The following CUX2 variants were observed in gnomAD, a reference collection of about 807,000 sequenced individuals.
The protein encoded by CUX2 is homeobox protein cut-like 2.
In CUX2, 40 loss-of-function variants were observed where a neutral mutation model predicts 144.8. The ratio of observed to expected loss-of-function variants is 0.28; its 90% CI spans 0.21 to 0.36. CUX2 has a LOEUF of 0.36. CUX2 is among the 10% of genes least tolerant of loss of function. The probability of loss-of-function intolerance (pLI) is 1.00; values close to 1 mark genes in which losing one functional copy is unlikely to be tolerated. For missense variants in CUX2, 1,615 were observed against 1,994.0 expected (o/e 0.81, Z 3.62); for synonymous variants, 827 against 875.6 (o/e 0.94, Z 0.98).
At position 111,263,729 on chromosome 12, in the gene CUX2, A is replaced by C. The variant is rs1884246808; in HGVS notation, c.223-32A>C. 1 of 1,547,848 alleles carries C rather than the reference A, an allele frequency of 6.5e-7. No individual in the cohort carries two copies. Among genetic ancestry groups the C allele is most frequent in the African/African-American group, 1.4e-5 (1 of 73,502 alleles). Reference sequence around the variant, plus strand: ...GCTTGCAGACACAGATGCCATGGTTACACGTGACTCTTTCTCTTGTTGTCT... The same window carrying C: ...GCTTGCAGACACAGATGCCATGGTTCCACGTGACTCTTTCTCTTGTTGTCT... On this transcript the variant is annotated intron_variant, in intron 3 of 21. Transcript: ENST00000261726. This position sits in a 1 kb window ranked among gnomAD's most constrained non-coding sequence, Gnocchi z 4.0.
chr12:111,333,679 C>T (rs1244267640), intron 18 of CUX2, among the ~76,000 whole-genome samples: 1 of 152,030 alleles, frequency 6.6e-6, no homozygotes, highest in Non-Finnish European at 1.5e-5. Flanking sequence ...GCTGACTTGC[C>T]CTGTGATTGG....
intron 1 of CUX2, among the ~76,000 whole-genome samples, chr12:111,213,024 G>A (rs1565852010): frequency 6.6e-6 from 1 of 152,196 alleles, no homozygotes; most frequent in Non-Finnish European, 1.5e-5. Flanking sequence ...ACGGTGCCGG[G>A]CCTCATCATA....
At chr12:111,051,462 T>C (rs947794347) in intron 1 of CUX2, among the ~76,000 whole-genome samples, 1 of 152,140 alleles carries the variant, frequency 6.6e-6, no homozygotes, top group African/African-American at 2.4e-5. Context: ...ATTGGCCCTT[T>C]TATTTAGCAA....
chr12:111,082,199 T>A (rs1182506870), intron 1 of CUX2, among the ~76,000 whole-genome samples: 2 of 152,194 alleles, frequency 1.3e-5, no homozygotes, highest in African/African-American at 2.4e-5. Flanking sequence ...TTTTGAGGCA[T>A]CTCTGTGTTG....
intron 3 of CUX2, among the ~76,000 whole-genome samples, chr12:111,227,226 T>A (rs1882198543): frequency 6.6e-6 from 1 of 152,188 alleles, no homozygotes; most frequent in South Asian, 2.1e-4. Flanking sequence ...GAGTACCGAC[T>A]GGGTGTCAGG....
intron 3 of CUX2, among the ~76,000 whole-genome samples, chr12:111,247,336 C>G (rs536554912): frequency 6.6e-6 from 1 of 152,214 alleles, no homozygotes; most frequent in Non-Finnish European, 1.5e-5. Flanking sequence ...CCAGAAAGGA[C>G]GCTGCTATAT....
intron 16 of CUX2, among the ~76,000 whole-genome samples, chr12:111,314,626 G>A (rs1183146112): frequency 9.8e-6 from 1 of 102,192 alleles, no homozygotes; most frequent in East Asian, 2.8e-4. Context: ...CGCAACAAGA[G>A]CAAAACTCAG....
Position 111,320,829 on chromosome 12 carries a change from A to T in CUX2, c.2766+54A>T. ...GGGCTCTGGGAGAAGATGTCGGAGA[A>T]GTAGGATGCCCACCCAAGCAGGCTG... On this transcript the variant is annotated intron_variant, in intron 17 of 21. Coordinates refer to ENST00000261726, the MANE Select transcript of CUX2 (RefSeq NM_015267.4). This position sits in a 1 kb window ranked among gnomAD's most constrained non-coding sequence, Gnocchi z 8.1. 3.1e-5 allele frequency: 44 copies of T among 1,418,044 alleles called. No individual in the cohort carries two copies. Among genetic ancestry groups the T allele is most frequent in the Non-Finnish European group, 4.0e-5 (44 of 1,089,142 alleles). The allele number at this position is 1,418,044 out of a possible 1,614,324, so 87.8% of individuals were successfully genotyped here. A position where few individuals can be genotyped will look rare whatever the true frequency, so the allele number is the denominator to read the frequency against.
chr12:111,199,925 C>A (rs1319517796), intron 1 of CUX2, among the ~76,000 whole-genome samples: 1 of 152,108 alleles, frequency 6.6e-6, no homozygotes, highest in African/African-American at 2.4e-5. Context: ...AAAAAGCCCG[C>A]AGGAAGGCTC....
rs1160034077 is a variant in CUX2, at chr12:111,308,542, A to G, written c.1258+16A>G. The G allele has an allele frequency of 6.3e-7, 1 of 1,594,992 alleles. No individual in the cohort carries two copies. The highest frequency in any genetic ancestry group is 2.3e-5 in the East Asian group (1 of 43,840). On this transcript the variant is annotated intron_variant, in intron 14 of 21. Transcript: ENST00000261726. ...GCCAGCCCTGGTAGGGGAGGAGGAT[A>G]CTCTGGGGCTGAGGGCTGGGGCGGG...
At chr12:111,319,133 G>A (rs1243974839) in intron 16 of CUX2, among the ~76,000 whole-genome samples, 5 of 151,052 alleles carry the variant, frequency 3.3e-5, no homozygotes, top group African/African-American at 1.2e-4. Context: ...GGGCAATATG[G>A]CAAAACCCCG....
chr12:111,138,385 TA>T (rs1876066793), intron 1 of CUX2, among the ~76,000 whole-genome samples: 2 of 146,050 alleles, frequency 1.4e-5, no homozygotes, highest in South Asian at 4.4e-4. Context: ...AGAGGAGGGG[TA>T]GGGGTGGAGG....
At chr12:111,126,136 T>G (rs1875062577) in intron 1 of CUX2, among the ~76,000 whole-genome samples, 1 of 147,858 alleles carries the variant, frequency 6.8e-6, no homozygotes, top group African/African-American at 2.5e-5. Flanking sequence ...TAAGATGGAG[T>G]CTCACTCTGT....
At chr12:111,132,525 T>C (rs561303620) in intron 1 of CUX2, among the ~76,000 whole-genome samples, 24 of 151,500 alleles carry the variant, frequency 1.6e-4, no homozygotes, top group African/African-American at 4.8e-4. Flanking sequence ...ATCATCAGGC[T>C]GCAAATTTTC....
intron 1 of CUX2, among the ~76,000 whole-genome samples, chr12:111,055,118 T>C (rs1020045155): frequency 2.0e-5 from 3 of 152,248 alleles, no homozygotes; most frequent in Non-Finnish European, 2.9e-5. Context: ...ACAGGGCTAC[T>C]ACATGTCCAG....
chr12:111,174,307 T>C (rs981111185), intron 1 of CUX2, among the ~76,000 whole-genome samples: 1 of 152,196 alleles, frequency 6.6e-6, no homozygotes, highest in Non-Finnish European at 1.5e-5. Flanking sequence ...ACAGCAGGCA[T>C]GGAGAGGCAC....
At chr12:111,343,035 A>G (rs932767656) in intron 21 of CUX2, among the ~76,000 whole-genome samples, 22 of 149,804 alleles carry the variant, frequency 1.5e-4, no homozygotes, top group African/African-American at 5.4e-4. Context: ...TATTTTTATT[A>G]TTATTTCACC....
intron 1 of CUX2, among the ~76,000 whole-genome samples, chr12:111,154,522 T>G (rs1286115160): frequency 6.6e-6 from 1 of 152,144 alleles, no homozygotes; most frequent in Non-Finnish European, 1.5e-5. Flanking sequence ...AAGAATAATT[T>G]ATCCATGCCC....
intron 18 of CUX2, among the ~76,000 whole-genome samples, chr12:111,331,410 G>T (rs1403229446): frequency 6.6e-6 from 1 of 152,136 alleles, no homozygotes; most frequent in Non-Finnish European, 1.5e-5. Flanking sequence ...TAATGTGCTG[G>T]GATTAGGTGT....
Sources: allele counts gnomAD v4.1 joint callset (sites outside exome capture counted in the v4.1 genomes callset), GRCh38; gene constraint gnomAD v4.1.1; non-coding constraint Gnocchi (gnomAD v3.1); transcripts MANE v1.5; gene names NCBI Gene and HGNC (gene_info 2026-07-23, HGNC 2026-07-21).